PIP4K2A: variants seen among roughly 807,000 people sequenced by gnomAD.
PIP4K2A encodes the protein phosphatidylinositol 5-phosphate 4-kinase type-2 alpha.
In PIP4K2A, 14 loss-of-function variants were observed where a neutral mutation model predicts 42.9. That is an observed-to-expected ratio of 0.33 (90% CI 0.22 to 0.51). The LOEUF is 0.51. PIP4K2A is among the 20% of genes least tolerant of loss of function. The pLI is 0.97. For synonymous variants in PIP4K2A, 192 were observed against 192.2 expected (o/e 1.00, Z 0.01); for missense variants, 434 against 519.8 (o/e 0.83, Z 1.61).
chr10:22,660,495 C>T (rs1344886331), intron 1 of PIP4K2A, among the ~76,000 whole-genome samples: 2 of 151,758 alleles, frequency 1.3e-5, no homozygotes, highest in Non-Finnish European at 2.9e-5. Flanking sequence ...TAAATAAACG[C>T]TTACTGAATC....
chr10:22,645,732 C>T (rs1838866543), intron 1 of PIP4K2A, among the ~76,000 whole-genome samples: 2 of 149,548 alleles, frequency 1.3e-5, no homozygotes, highest in South Asian at 4.2e-4. Context: ...GGGACTCAGA[C>T]AGGGTCTACA....
At chr10:22,700,718 C>T (rs888115860) in intron 1 of PIP4K2A, among the ~76,000 whole-genome samples, 4 of 152,172 alleles carry the variant, frequency 2.6e-5, no homozygotes, top group African/African-American at 7.2e-5. Context: ...AGGTCATTCT[C>T]GGGTTGACTA....
At chr10:22,673,171 A>G (rs555343622) in intron 1 of PIP4K2A, among the ~76,000 whole-genome samples, 2 of 152,308 alleles carry the variant, frequency 1.3e-5, no homozygotes, top group South Asian at 2.1e-4. Context: ...CACCTCCTCC[A>G]GGAAGTCTTT....
chr10:22,670,189 G>A (rs1188283092), intron 1 of PIP4K2A, among the ~76,000 whole-genome samples: 2 of 152,098 alleles, frequency 1.3e-5, no homozygotes, highest in African/African-American at 4.8e-5. Context: ...GACTAGCCTG[G>A]GCAACATGGT....
At chr10:22,592,537 T>C (rs1837537442) in intron 3 of PIP4K2A, among the ~76,000 whole-genome samples, 2 of 152,198 alleles carry the variant, frequency 1.3e-5, no homozygotes, top group South Asian at 4.1e-4. Flanking sequence ...TTTTGAGAAC[T>C]ACTGATCTCC....
chr10:22,667,763 TAACAATTTTAAAAGTCCTCCA>T (rs983698248), intron 1 of PIP4K2A, among the ~76,000 whole-genome samples: 3 of 152,184 alleles, frequency 2.0e-5, no homozygotes, highest in African/African-American at 7.2e-5. Context: ...AAAAACTTTG[TAACAATTTTAAAAGTCCTCCA>T]AAAAGTTTTA....
chr10:22,608,059 G>A (rs1837947696), intron 2 of PIP4K2A, 36 bp from the exon 3 acceptor site: 2 of 1,375,820 alleles, frequency 1.5e-6, no homozygotes, highest in Non-Finnish European at 2.1e-6. Flanking sequence ...AGCTCAGAGA[G>A]AGTCAATCAG....
intron 6 of PIP4K2A, among the ~76,000 whole-genome samples, chr10:22,551,463 C>T (rs946033084): frequency 6.6e-6 from 1 of 152,184 alleles, no homozygotes; most frequent in Non-Finnish European, 1.5e-5. Flanking sequence ...AATAAGTAAA[C>T]TGCACTTATG....
In PIP4K2A at chr10:22,627,588, TAATAA is replaced by T. The variant is rs1838467921; in HGVS notation, c.145-17876_145-17872del. Among the ~76,000 whole-genome samples the T allele has an allele frequency of 1.7e-3, 65 of 38,904 alleles. 3 individuals are homozygous for T. Among genetic ancestry groups the T allele is most frequent in the Admixed American group, 3.4e-3 (8 of 2,332 alleles). 25.5% of individuals were successfully genotyped at this position (38,904 alleles called of 152,430 possible). On this transcript the variant is annotated intron_variant, in intron 1 of 9. Transcript: ENST00000376573. ...ATTTGTTTAACCAAAAGCTAATATGTAATAAAAAAAAAAAAAAAAAAAAAAAAAAA... is the reference window on the plus strand; with the variant it reads ...ATTTGTTTAACCAAAAGCTAATATGTAAAAAAAAAAAAAAAAAAAAAAAAA...
intron 6 of PIP4K2A, among the ~76,000 whole-genome samples, chr10:22,562,410 G>A (rs887671450): frequency 2.0e-5 from 3 of 152,102 alleles, no homozygotes; most frequent in Non-Finnish European, 2.9e-5. Flanking sequence ...TTAGCCAAGC[G>A]TAGTGACAGG....
intron 6 of PIP4K2A, among the ~76,000 whole-genome samples, chr10:22,564,425 TA>T (rs1203698417): frequency 6.6e-6 from 1 of 152,102 alleles, no homozygotes; most frequent in Non-Finnish European, 1.5e-5. Flanking sequence ...TGGAAGAAAG[TA>T]AAAACAGACC....
chr10:22,548,160 T>C (rs1350173741), intron 7 of PIP4K2A, among the ~76,000 whole-genome samples: 3 of 152,248 alleles, frequency 2.0e-5, no homozygotes, highest in Non-Finnish European at 4.4e-5. Context: ...AATTACCTGC[T>C]TAAAAATTTA....
intron 1 of PIP4K2A, among the ~76,000 whole-genome samples, chr10:22,613,565 A>G (rs1442744491): frequency 6.6e-6 from 1 of 152,178 alleles, no homozygotes; most frequent in Non-Finnish European, 1.5e-5. Context: ...GGCCATGGCC[A>G]CCTGCTAAGA....
At chr10:22,663,821 C>T (rs1839254925) in intron 1 of PIP4K2A, among the ~76,000 whole-genome samples, 1 of 151,384 alleles carries the variant, frequency 6.6e-6, no homozygotes, top group East Asian at 1.9e-4. Context: ...AATTGTGTAA[C>T]TACACCATCA....
chr10:22,548,422 A>T (rs1836308051), intron 7 of PIP4K2A, among the ~76,000 whole-genome samples: 1 of 152,220 alleles, frequency 6.6e-6, no homozygotes, highest in Non-Finnish European at 1.5e-5. Flanking sequence ...CTGGAGTCTA[A>T]ATATCATAGT....
intron 7 of PIP4K2A, among the ~76,000 whole-genome samples, 174 bp from the exon 8 acceptor site, chr10:22,542,221 TGTAGCCTCAC>T (rs1468532970): frequency 6.6e-6 from 1 of 151,924 alleles, no homozygotes; most frequent in African/African-American, 2.4e-5. Context: ...CTATCTAAAA[TGTAGCCTCAC>T]ACTTCAGGCT....
chr10:22,696,493 C>T (rs78931788), intron 1 of PIP4K2A, among the ~76,000 whole-genome samples: 499 of 152,228 alleles, frequency 3.3e-3, no homozygotes, highest in Non-Finnish European at 5.7e-3. Context: ...TTTGGCCACT[C>T]TGATTAAGTA....
chr10:22,619,421 ATTTTCT>A (rs1389785993), intron 1 of PIP4K2A, among the ~76,000 whole-genome samples: 2 of 143,790 alleles, frequency 1.4e-5, no homozygotes, highest in African/African-American at 5.4e-5. Context: ...ATCAATATTC[ATTTTCT>A]TTTTCTTTTT....
At chr10:22,703,633 C>T (rs1833757309) in intron 1 of PIP4K2A, among the ~76,000 whole-genome samples, 2 of 152,150 alleles carry the variant, frequency 1.3e-5, no homozygotes, top group Admixed American at 6.5e-5. Context: ...GGATTTTATT[C>T]TAAATGCAAT....
Sources: gnomAD v4.1 joint callset for allele counts (sites outside exome capture counted in the v4.1 genomes callset) on GRCh38, gnomAD v4.1.1 for gene constraint, MANE v1.5 for transcripts, NCBI Gene and HGNC (gene_info 2026-07-23, HGNC 2026-07-21) for gene names.